The following PCMTD1 variants were observed in gnomAD, a reference collection of about 807,000 sequenced individuals.
The protein encoded by PCMTD1 is protein-L-isoaspartate O-methyltransferase domain-containing protein 1.
Under a neutral mutation model 37.6 loss-of-function variants are expected in PCMTD1, and 12 were observed. That is an observed-to-expected ratio of 0.32 (90% CI 0.20 to 0.52). PCMTD1 has a LOEUF of 0.52. Ranked by LOEUF, PCMTD1 falls within the 20% of genes least tolerant of loss-of-function variation. The pLI is 0.97. For missense variants in PCMTD1, 235 were observed against 421.3 expected (o/e 0.56, Z 3.87); for synonymous variants, 117 against 135.8 (o/e 0.86, Z 0.96).
chr8:51,844,276 C>T (rs760372706), intron 3 of PCMTD1, among the ~76,000 whole-genome samples: 1 of 152,066 alleles, frequency 6.6e-6, no homozygotes, highest in Non-Finnish European at 1.5e-5. Context: ...CCTTGAAAAA[C>T]GAATCAAAAT....
Position 51,873,343 on chromosome 8 carries a change from A to G in PCMTD1, c.-95-12097T>C, listed in dbSNP as rs565880886. Among the ~76,000 whole-genome samples, 11 of 152,318 alleles carry G rather than the reference A, an allele frequency of 7.2e-5. No homozygotes were observed. The South Asian group carries it at 2.3e-3, about 32-fold the overall frequency. Reference sequence around the variant, plus strand: ...AAAAATATTGTAAGAAGAAACCATAACAAAAAAAGTCTGAGACCCCTGAGA... The same window carrying G: ...AAAAATATTGTAAGAAGAAACCATAGCAAAAAAAGTCTGAGACCCCTGAGA... On this transcript the variant is annotated intron_variant, in intron 1 of 5. Coordinates refer to ENST00000522514, the MANE Select transcript of PCMTD1 (RefSeq NM_052937.4).
chr8:51,886,664 C>T (rs749297181), intron 1 of PCMTD1, among the ~76,000 whole-genome samples: 1 of 152,188 alleles, frequency 6.6e-6, no homozygotes, highest in African/African-American at 2.4e-5. Flanking sequence ...TTATAAATGT[C>T]ATCTTAATCT....
chr8:51,821,209 G>A (rs1470219742), intron 5 of PCMTD1, among the ~76,000 whole-genome samples: 1 of 152,166 alleles, frequency 6.6e-6, no homozygotes, highest in East Asian at 1.9e-4. Context: ...GCACAATCAT[G>A]GCCTACTGGA....
At position 51,820,548 on chromosome 8, in the gene PCMTD1, T is replaced by C; in HGVS notation, c.877A>G (p.Asn293Asp). The C allele has an allele frequency of 6.2e-7, 1 of 1,612,408 alleles. No homozygotes were observed. Among genetic ancestry groups the C allele is most frequent in the East Asian group, 2.2e-5 (1 of 44,870 alleles). The stretch of plus-strand genomic sequence containing the variant: ...TCTAGAGGCTGAGGAATAAGCTGAT[T>C]ACCCACAAATACGTAAGTGTTAATT... ...QRINTYVFVG[N>D]QLIPQPLDSE... Residue 293 changes from asparagine (N) to aspartate (D), a missense_variant, in exon 6 of 6, where the codon AAT becomes GAT. Physicochemically the swap from Asn to Asp is conservative, Grantham distance 23 (BLOSUM62 1). Transcript: ENST00000522514.
At chr8:51,838,817 AAAT>A (rs1275062687) in intron 3 of PCMTD1, among the ~76,000 whole-genome samples, 1 of 152,192 alleles carries the variant, frequency 6.6e-6, no homozygotes, top group Non-Finnish European at 1.5e-5. Flanking sequence ...GTTTATCACA[AAAT>A]AATACTACAC....
chr8:51,831,058 G>T (rs544893532), intron 5 of PCMTD1, among the ~76,000 whole-genome samples: 173 of 152,170 alleles, frequency 1.1e-3, no homozygotes, highest in Non-Finnish European at 2.0e-3. Context: ...AGCACTTTGG[G>T]AGGCTGAGAT....
At chr8:51,839,357 T>A in intron 3 of PCMTD1, 1 of 670,852 alleles carries the variant, frequency 1.5e-6, no homozygotes, top group Non-Finnish European at 1.8e-6. Flanking sequence ...ACCCTGAAAA[T>A]CATTTATGAA....
intron 2 of PCMTD1, among the ~76,000 whole-genome samples, 185 bp from the exon 3 acceptor site, chr8:51,845,948 A>G (rs1203411900): frequency 6.6e-6 from 1 of 152,110 alleles, no homozygotes; most frequent in Non-Finnish European, 1.5e-5. Context: ...ATGTAAAAAA[A>G]GGGGAAAAAA....
intron 1 of PCMTD1, among the ~76,000 whole-genome samples, chr8:51,898,525 G>A (rs1262430013): frequency 2.0e-5 from 3 of 152,078 alleles, no homozygotes; most frequent in Admixed American, 1.3e-4. Context: ...GGGGCCCGCG[G>A]GCATCTCAAG....
intron 1 of PCMTD1, among the ~76,000 whole-genome samples, chr8:51,862,385 T>C (rs62499408): frequency 1.3e-5 from 2 of 151,094 alleles, no homozygotes. Flanking sequence ...CACACACACA[T>C]ACACTGAACT....
Position 51,898,925 on chromosome 8 carries a change from G to A in PCMTD1, c.-96+5C>T, listed in dbSNP as rs1585871813. Reference sequence around the variant, plus strand: ...ACCCCGAGCCCCCACTGGCGGCGGCGTTACCTGTGGCGCGGGCAGCGGCGC... The same window carrying A: ...ACCCCGAGCCCCCACTGGCGGCGGCATTACCTGTGGCGCGGGCAGCGGCGC... On this transcript the variant is annotated splice_donor_5th_base_variant and intron_variant, in intron 1 of 5. Coordinates refer to ENST00000522514, the MANE Select transcript of PCMTD1 (RefSeq NM_052937.4). 7.4e-7 allele frequency: 1 copy of A among 1,353,634 alleles called. No homozygotes were observed. The highest frequency in any genetic ancestry group is 3.4e-5 in the Admixed American group (1 of 29,254). 83.9% of individuals were successfully genotyped at this position (1,353,634 alleles called of 1,614,324 possible).
intron 1 of PCMTD1, among the ~76,000 whole-genome samples, chr8:51,884,536 A>C (rs1438054912): frequency 1.3e-5 from 2 of 152,226 alleles, no homozygotes; most frequent in Admixed American, 6.5e-5. Context: ...AGGCACAAAG[A>C]AATAGTCTTT....
intron 5 of PCMTD1, chr8:51,826,850 C>CA: frequency 2.4e-6 from 2 of 822,938 alleles, no homozygotes; most frequent in South Asian, 5.6e-5. Flanking sequence ...TCCTCAACCC[C>CA]AAACAAAAAA....
At chr8:51,874,342 C>T (rs563681787) in intron 1 of PCMTD1, among the ~76,000 whole-genome samples, 279 of 152,120 alleles carry the variant, frequency 1.8e-3, no homozygotes, top group African/African-American at 6.5e-3. Flanking sequence ...ACCCATCCCC[C>T]GCCCCCGGGG....
intron 2 of PCMTD1, 197 bp downstream of exon 2, chr8:51,860,648 A>T: frequency 1.9e-6 from 1 of 517,360 alleles, no homozygotes; most frequent in Non-Finnish European, 3.4e-6. Flanking sequence ...TTCCAGAGCT[A>T]CTGTAGGTTG....
intron 1 of PCMTD1, among the ~76,000 whole-genome samples, chr8:51,863,857 G>A (rs1472789815): frequency 6.6e-6 from 1 of 151,648 alleles, no homozygotes; most frequent in African/African-American, 2.4e-5. Flanking sequence ...AACTTGGGAG[G>A]CAGAGATTGC....
At chr8:51,877,259 G>C (rs1403851473) in intron 1 of PCMTD1, among the ~76,000 whole-genome samples, 1 of 152,152 alleles carries the variant, frequency 6.6e-6, no homozygotes, top group Admixed American at 6.5e-5. Flanking sequence ...TGCTCTGTCC[G>C]GTTTTCACTG....
intron 5 of PCMTD1, chr8:51,827,242 TA>T: frequency 1.7e-6 from 2 of 1,147,474 alleles, no homozygotes; most frequent in Non-Finnish European, 2.2e-6. Context: ...GACTTATTTT[TA>T]TAAGTTACTG....
intron 1 of PCMTD1, among the ~76,000 whole-genome samples, chr8:51,877,518 T>A (rs918329038): frequency 2.0e-5 from 3 of 152,256 alleles, no homozygotes; most frequent in Admixed American, 1.3e-4. Flanking sequence ...TACATTAATT[T>A]TTTTATTACG....
Sources: allele counts gnomAD v4.1 joint callset (sites outside exome capture counted in the v4.1 genomes callset), GRCh38; gene constraint gnomAD v4.1.1; transcripts MANE v1.5; gene names NCBI Gene and HGNC (gene_info 2026-07-23, HGNC 2026-07-21).